ELMO1: variants seen among roughly 807,000 people sequenced by gnomAD.
The protein encoded by ELMO1 is engulfment and cell motility protein 1.
A neutral mutation model predicts 98.9 loss-of-function variants in ELMO1; 26 were observed. The observed-to-expected ratio is 0.26, with a 90% CI of 0.19 to 0.36. ELMO1 has a LOEUF of 0.36. Among genes scored for constraint, ELMO1 ranks in the 10% least tolerant of loss-of-function variants. The pLI is 1.00. For missense variants in ELMO1, 627 were observed against 935.2 expected (o/e 0.67, Z 4.30); for synonymous variants, 346 against 346.0 (o/e 1.00, Z 0.00).
intron 16 of ELMO1, among the ~76,000 whole-genome samples, chr7:36,904,146 T>C (rs1298096594): frequency 6.6e-6 from 1 of 152,210 alleles, no homozygotes; most frequent in Non-Finnish European, 1.5e-5. Flanking sequence ...TCCCAGAATC[T>C]CCATCAGAGC....
At chr7:37,216,616 C>A (rs1793297214) in intron 11 of ELMO1, 29 bp downstream of exon 11, 1 of 1,613,554 alleles carries the variant, frequency 6.2e-7, no homozygotes, top group East Asian at 2.2e-5. Context: ...TCCTCCCCCA[C>A]AAAGAGGTCA....
At position 36,855,569 on chromosome 7, in the gene ELMO1, G is replaced by A. The variant is rs1802133089; in HGVS notation, c.2166C>T (p.Phe722=). The change falls in exon 22 of 22, where the codon TTC becomes TTT. Residue 722 remains phenylalanine, a synonymous_variant. Transcript: ENST00000310758. This position sits in a 1 kb window ranked among gnomAD's most constrained non-coding sequence, Gnocchi z 4.2. Reference sequence around the variant, plus strand: ...GGCCACTTCAGTTACAGTCATAGACGAAGTCATAGTTGCTGGGCTCCTTGG... The same window carrying A: ...GGCCACTTCAGTTACAGTCATAGACAAAGTCATAGTTGCTGGGCTCCTTGG... ...PIPKEPSNYD[F]VYDCN 11 of 1,613,986 alleles carry A rather than the reference G, an allele frequency of 6.8e-6. No homozygotes were observed. The highest frequency in any genetic ancestry group is 3.3e-4 in the Middle Eastern group (2 of 6,040).
In ELMO1 at chr7:37,426,927, T is replaced by G. The variant is rs147317679; in HGVS notation, c.-74+21748A>C. Reference sequence around the variant, plus strand: ...ATTCCCTAAAAGCCAGCATTATACCTAACTCATTTTCAATGCCATACACCG... The same window carrying G: ...ATTCCCTAAAAGCCAGCATTATACCGAACTCATTTTCAATGCCATACACCG... On this transcript the variant is annotated intron_variant, in intron 1 of 21. Coordinates refer to ENST00000310758, the MANE Select transcript of ELMO1 (RefSeq NM_014800.11). Among the ~76,000 whole-genome samples the G allele has an allele frequency of 4.5e-4, 68 of 151,948 alleles. 1 individual carries two copies. Among genetic ancestry groups the G allele is most frequent in the African/African-American group, 1.4e-3 (60 of 41,452 alleles).
intron 14 of ELMO1, among the ~76,000 whole-genome samples, chr7:37,121,261 C>G (rs1281088481): frequency 6.6e-6 from 1 of 152,202 alleles, no homozygotes; most frequent in East Asian, 1.9e-4. Flanking sequence ...AGCAACGGAA[C>G]AAAGCTGGAC....
intron 1 of ELMO1, among the ~76,000 whole-genome samples, chr7:37,416,600 C>T (rs1412912051): frequency 6.6e-6 from 1 of 152,206 alleles, no homozygotes. Context: ...AGGAGGGCCA[C>T]ATTTGCTTAC....
intron 16 of ELMO1, among the ~76,000 whole-genome samples, chr7:36,940,794 T>C (rs1408825963): frequency 6.6e-6 from 1 of 152,232 alleles, no homozygotes; most frequent in Non-Finnish European, 1.5e-5. Context: ...TGCTAGGCAC[T>C]GGGGGACTCT....
intron 2 of ELMO1, among the ~76,000 whole-genome samples, chr7:37,317,950 C>T (rs1482822219): frequency 6.6e-6 from 1 of 152,060 alleles, no homozygotes; most frequent in Non-Finnish European, 1.5e-5. Context: ...AATACATATA[C>T]CTACTAAGTA....
chr7:36,914,253 T>C (rs1784534103), intron 16 of ELMO1, among the ~76,000 whole-genome samples: 1 of 152,246 alleles, frequency 6.6e-6, no homozygotes, highest in Non-Finnish European at 1.5e-5. Flanking sequence ...CAAAGTATAA[T>C]ATTATTTCTT....
At chr7:36,864,760 C>A (rs377545877) in intron 20 of ELMO1, among the ~76,000 whole-genome samples, 1 of 152,176 alleles carries the variant, frequency 6.6e-6, no homozygotes, top group Admixed American at 6.5e-5. Context: ...ACTTAGACAT[C>A]GAATGTTCAG....
intron 15 of ELMO1, among the ~76,000 whole-genome samples, chr7:37,065,143 C>G (rs563780042): frequency 6.6e-6 from 1 of 152,042 alleles, no homozygotes; most frequent in South Asian, 2.1e-4. Context: ...CCCCAAACAG[C>G]TATTGCCCTA....
chr7:37,268,625 A>G (rs2541090), intron 5 of ELMO1, among the ~76,000 whole-genome samples: 59,772 of 152,042 alleles, frequency 0.39, 12,308 homozygotes, highest in Middle Eastern at 0.54. Context: ...AGCAGGAGAT[A>G]GATAAAGATA....
At chr7:36,988,828 G>A (rs1791680357) in intron 16 of ELMO1, among the ~76,000 whole-genome samples, 1 of 152,214 alleles carries the variant, frequency 6.6e-6, no homozygotes. Flanking sequence ...GATGCTTAGA[G>A]ACCAAGTTAA....
chr7:36,975,604 T>C (rs1790458888), intron 16 of ELMO1, among the ~76,000 whole-genome samples: 1 of 152,288 alleles, frequency 6.6e-6, no homozygotes, highest in Admixed American at 6.5e-5. Context: ...CCCAGCACTT[T>C]GGGAGGCCGA....
chr7:37,149,604 C>A lies in ELMO1; in HGVS notation c.1087-16370G>T, dbSNP rs148934230. Among the ~76,000 whole-genome samples the A allele has an allele frequency of 1.2e-4, 18 of 152,276 alleles. No individual in the cohort carries two copies. The East Asian group carries it at 3.5e-3, about 29-fold the overall frequency. ...TTATTGATTTGCATACTGTCTGTGG[C>A]TGCTTTCACATCAGGGAGCAGAATC... is the stretch of plus-strand genomic sequence containing the variant. On this transcript the variant is annotated intron_variant, in intron 13 of 21. Transcript: ENST00000310758.
chr7:36,887,478 C>T, intron 18 of ELMO1, 82 bp downstream of exon 18: 3 of 1,353,672 alleles, frequency 2.2e-6, no homozygotes, highest in South Asian at 2.5e-5. Context: ...TACCCGTAAA[C>T]CAACACCATG....
intron 13 of ELMO1, among the ~76,000 whole-genome samples, chr7:37,139,007 T>C (rs1787445448): frequency 6.6e-6 from 1 of 152,188 alleles, no homozygotes; most frequent in Non-Finnish European, 1.5e-5. Flanking sequence ...AGAAAATGCA[T>C]TTGACAGAAT....
At position 36,870,579 on chromosome 7, in the gene ELMO1, C is replaced by T. The variant is rs971210736; in HGVS notation, c.1823-104G>A. On this transcript the variant is annotated intron_variant, in intron 19 of 21. Transcript: ENST00000310758. The surrounding 1 kb of genome is among the most constrained non-coding windows in gnomAD (Gnocchi z 4.4). The stretch of plus-strand genomic sequence containing the variant: ...TGGGTCCGCTACTGTGGTTACCATT[C>T]CCAGAAACTACTGCAAAAAGAAGAG... The T allele has an allele frequency of 5.0e-5, 53 of 1,049,648 alleles. No homozygotes were observed. Among genetic ancestry groups the T allele is most frequent in the Admixed American group, 7.9e-5 (3 of 37,808 alleles). The allele number at this position is 1,049,648 out of a possible 1,614,324, so 65.0% of individuals were successfully genotyped here.
At chr7:37,090,884 T>C (rs1449818885) in intron 15 of ELMO1, among the ~76,000 whole-genome samples, 1 of 152,214 alleles carries the variant, frequency 6.6e-6, no homozygotes, top group African/African-American at 2.4e-5. Context: ...GGATGGAGAA[T>C]GGGTTCTAAA....
At chr7:36,938,658 TTAAC>T (rs771162934) in intron 16 of ELMO1, among the ~76,000 whole-genome samples, 1 of 152,234 alleles carries the variant, frequency 6.6e-6, no homozygotes, top group Non-Finnish European at 1.5e-5. Context: ...AACTTTTTAA[TTAAC>T]TAATCAGCTG....
Sources: gnomAD v4.1 joint callset for allele counts (sites outside exome capture counted in the v4.1 genomes callset) on GRCh38, gnomAD v4.1.1 for gene constraint, Gnocchi (gnomAD v3.1) non-coding constraint, MANE v1.5 for transcripts, NCBI Gene and HGNC (gene_info 2026-07-23, HGNC 2026-07-21) for gene names.